Variants in RUNX2 observed in about 807,000 individuals in gnomAD.
RUNX2 encodes the protein RUNX family transcription factor 2.
A neutral mutation model predicts 51.7 loss-of-function variants in RUNX2; 10 were observed. The observed-to-expected ratio is 0.19, with a 90% CI of 0.12 to 0.33. The LOEUF is 0.33. Among genes scored for constraint, RUNX2 ranks in the 10% least tolerant of loss-of-function variants. The probability of loss-of-function intolerance (pLI) is 1.00; values close to 1 mark genes in which losing one functional copy is unlikely to be tolerated. For missense variants in RUNX2, 562 were observed against 691.3 expected (o/e 0.81, Z 2.10); for synonymous variants, 276 against 273.6 (o/e 1.01, Z -0.09).
chr6:45,480,492 A>G (rs987748781), intron 5 of RUNX2, among the ~76,000 whole-genome samples: 1 of 152,248 alleles, frequency 6.6e-6, no homozygotes, highest in African/African-American at 2.4e-5. Context: ...TGACAGACAT[A>G]GCACGTAACA....
At chr6:45,423,111 G>A (rs1328913739) in intron 3 of RUNX2, among the ~76,000 whole-genome samples, 154 bp downstream of exon 3, 1 of 147,004 alleles carries the variant, frequency 6.8e-6, no homozygotes, top group Non-Finnish European at 1.5e-5. Context: ...CCTCCCTCCG[G>A]ATGCCCTGGC....
intron 2 of RUNX2, among the ~76,000 whole-genome samples, chr6:45,412,337 C>T (rs1196382217): frequency 2.0e-5 from 3 of 151,912 alleles, no homozygotes; most frequent in Non-Finnish European, 2.9e-5. Flanking sequence ...GCCTGGGTGA[C>T]AGAGAGAGAC....
chr6:45,426,752 C>T (rs1798392895), intron 3 of RUNX2, among the ~76,000 whole-genome samples: 1 of 152,038 alleles, frequency 6.6e-6, no homozygotes, highest in Non-Finnish European at 1.5e-5. Context: ...TTAATAATAC[C>T]TTTCAGTGCT....
intron 2 of RUNX2, chr6:45,420,948 A>G (rs1266766861): frequency 6.6e-6 from 1 of 152,190 alleles, no homozygotes; most frequent in East Asian, 1.9e-4. Flanking sequence ...CAAAAACCAC[A>G]TTTTAGGTAA....
intron 2 of RUNX2, among the ~76,000 whole-genome samples, chr6:45,356,555 G>A (rs953913933): frequency 3.9e-5 from 6 of 151,944 alleles, no homozygotes; most frequent in East Asian, 1.9e-4. Context: ...GTGCCACCAC[G>A]CCTGGCTAAT....
intron 7 of RUNX2, among the ~76,000 whole-genome samples, chr6:45,544,368 G>A (rs990196619): frequency 6.6e-6 from 1 of 152,156 alleles, no homozygotes; most frequent in Non-Finnish European, 1.5e-5. Context: ...AGGTAAAATT[G>A]AGAGGAAGGA....
intron 4 of RUNX2, among the ~76,000 whole-genome samples, chr6:45,433,438 T>C (rs1199004606): frequency 2.0e-5 from 3 of 152,224 alleles, no homozygotes; most frequent in African/African-American, 7.2e-5. Context: ...AATGTGAACA[T>C]GATGATTTAC....
intron 7 of RUNX2, among the ~76,000 whole-genome samples, chr6:45,524,330 T>G (rs1471063855): frequency 1.3e-5 from 2 of 152,258 alleles, no homozygotes; most frequent in Non-Finnish European, 2.9e-5. Context: ...AGAGGATTTT[T>G]TTTTAAGTAG....
chr6:45,378,445 C>T (rs1797112264), intron 2 of RUNX2, among the ~76,000 whole-genome samples: 1 of 152,186 alleles, frequency 6.6e-6, no homozygotes, highest in Admixed American at 6.5e-5. Flanking sequence ...TGAACGCTCC[C>T]CGCAGGGCCG....
At chr6:45,400,388 C>T (rs558403404) in intron 2 of RUNX2, among the ~76,000 whole-genome samples, 1 of 152,312 alleles carries the variant, frequency 6.6e-6, no homozygotes, top group African/African-American at 2.4e-5. Flanking sequence ...TGCCTTTTTC[C>T]CACCACAAAT....
At chr6:45,405,392 G>A (rs986374100) in intron 2 of RUNX2, among the ~76,000 whole-genome samples, 2 of 152,172 alleles carry the variant, frequency 1.3e-5, no homozygotes, top group African/African-American at 4.8e-5. Flanking sequence ...ATAAATCTTT[G>A]TTCAGTAGTG....
chr6:45,446,350 T>C (rs923541566), intron 5 of RUNX2, among the ~76,000 whole-genome samples: 5 of 152,352 alleles, frequency 3.3e-5, no homozygotes, highest in African/African-American at 9.6e-5. Flanking sequence ...TCAAGTGATA[T>C]GTGTTCTAAA....
chr6:45,384,277 TG>T (rs200774793), intron 2 of RUNX2, among the ~76,000 whole-genome samples: 14 of 151,446 alleles, frequency 9.2e-5, no homozygotes, highest in Admixed American at 2.7e-4. Context: ...GGGTTTTTTT[TG>T]TTTGTTTGTT....
intron 2 of RUNX2, among the ~76,000 whole-genome samples, chr6:45,415,826 T>TA (rs1291422961): frequency 2.0e-5 from 3 of 151,274 alleles, no homozygotes; most frequent in East Asian, 3.9e-4. Flanking sequence ...ACAGAGCAGG[T>TA]AAAAAAAGGT....
intron 5 of RUNX2, among the ~76,000 whole-genome samples, chr6:45,450,458 A>ATCC (rs551555547): frequency 1.7e-3 from 253 of 152,330 alleles, no homozygotes; most frequent in Non-Finnish European, 2.7e-3. Context: ...GGCAGGCGTG[A>ATCC]TCCTCCCTTT....
intron 2 of RUNX2, among the ~76,000 whole-genome samples, chr6:45,412,397 A>G (rs1326145833): frequency 1.3e-5 from 2 of 151,926 alleles, no homozygotes; most frequent in African/African-American, 4.8e-5. Context: ...AAAAAAAAGA[A>G]GACTTGCTAA....
At chr6:45,484,180 G>A (rs750017866) in intron 5 of RUNX2, among the ~76,000 whole-genome samples, 9 of 152,142 alleles carry the variant, frequency 5.9e-5, no homozygotes, top group Non-Finnish European at 1.2e-4. Flanking sequence ...TTAGCCACAG[G>A]CCAGAGGTTA....
chr6:45,409,033 A>G (rs771491316), intron 2 of RUNX2, among the ~76,000 whole-genome samples: 14 of 152,214 alleles, frequency 9.2e-5, no homozygotes, highest in Non-Finnish European at 1.9e-4. Flanking sequence ...CATATGCTCA[A>G]CTTCTTTTAT....
At chr6:45,425,729 T>TACA (rs1798365043) in intron 3 of RUNX2, among the ~76,000 whole-genome samples, 1 of 152,234 alleles carries the variant, frequency 6.6e-6, no homozygotes, top group Admixed American at 6.5e-5. Flanking sequence ...TCTATACTCT[T>TACA]ACAATATAAT....
Sources: allele counts gnomAD v4.1 joint callset (sites outside exome capture counted in the v4.1 genomes callset), GRCh38; gene constraint gnomAD v4.1.1; transcripts MANE v1.5; gene names NCBI Gene and HGNC (gene_info 2026-07-23, HGNC 2026-07-21).